The following GLIS3 variants were observed in gnomAD, a reference collection of about 807,000 sequenced individuals.
The protein encoded by GLIS3 is zinc finger protein GLIS3.
Under a neutral mutation model 78.6 loss-of-function variants are expected in GLIS3, and 53 were observed. The observed-to-expected ratio is 0.67, with a 90% confidence interval of 0.54 to 0.85. GLIS3 has a LOEUF of 0.85. Ranked by LOEUF, GLIS3 falls within the 40% of genes least tolerant of loss-of-function variation. The pLI, the probability that GLIS3 is intolerant of heterozygous loss-of-function variation, is 0.00. For missense variants in GLIS3, 1,703 were observed against 1,231.1 expected (o/e 1.38, Z -5.74); for synonymous variants, 684 against 509.9 (o/e 1.34, Z -4.60).
At chr9:4,406,778 T>C in the GLIS3 span, among the ~76,000 whole-genome samples, 1 of 151,956 alleles carries the variant, frequency 6.6e-6, no homozygotes, top group Non-Finnish European at 1.5e-5. Context: ...TATAAAACAC[T>C]CATGAAAGAA....
intron 2 of GLIS3, among the ~76,000 whole-genome samples, chr9:4,154,361 A>G (rs913372252): frequency 3.9e-5 from 6 of 152,244 alleles, no homozygotes; most frequent in Non-Finnish European, 7.3e-5. Flanking sequence ...ATATGCCACA[A>G]GAAATTCCAG....
chr9:3,956,932 A>T lies in GLIS3; in HGVS notation c.1711-19743T>A, dbSNP rs149927323. ...AGAACAATCTACACTTACAGTCACAAGCTGATTGAGCCCCCATATCTTCCC... is the reference window on the plus strand; with the variant it reads ...AGAACAATCTACACTTACAGTCACATGCTGATTGAGCCCCCATATCTTCCC... On this transcript the variant is annotated intron_variant, in intron 4 of 10. Transcript: ENST00000381971. Among the ~76,000 whole-genome samples the T allele has an allele frequency of 1.2e-4, 18 of 152,332 alleles. No homozygotes were observed. In the East Asian group the frequency reaches 3.3e-3, roughly 28 times the overall value.
the GLIS3 span, among the ~76,000 whole-genome samples, chr9:4,407,610 G>A: frequency 1.3e-5 from 2 of 152,184 alleles, no homozygotes; most frequent in African/African-American, 4.8e-5. Context: ...TCTCGCCACC[G>A]CACTCCAGCC....
At chr9:4,049,350 C>T (rs551371882) in intron 4 of GLIS3, among the ~76,000 whole-genome samples, 118 of 152,264 alleles carry the variant, frequency 7.7e-4, no homozygotes, top group African/African-American at 2.7e-3. Context: ...CCTCACCTCC[C>T]TACAACGTGA....
At chr9:4,395,202 T>A in the GLIS3 span, among the ~76,000 whole-genome samples, 2 of 152,226 alleles carry the variant, frequency 1.3e-5, no homozygotes, top group African/African-American at 4.8e-5. Context: ...ATTCAGCATA[T>A]TAAACTCCAG....
At chr9:4,055,440 T>A (rs574910830) in intron 4 of GLIS3, among the ~76,000 whole-genome samples, 1 of 152,326 alleles carries the variant, frequency 6.6e-6, no homozygotes, top group South Asian at 2.1e-4. Context: ...GTTCAGGGCC[T>A]GACCATGGGA....
chr9:4,458,564 C>T, the GLIS3 span, among the ~76,000 whole-genome samples: 1 of 152,102 alleles, frequency 6.6e-6, no homozygotes, highest in East Asian at 1.9e-4. Context: ...CCAAGGCAGG[C>T]AGGTCATGAG....
At chr9:3,954,534 C>G (rs1486665721) in intron 4 of GLIS3, among the ~76,000 whole-genome samples, 1 of 152,178 alleles carries the variant, frequency 6.6e-6, no homozygotes, top group Non-Finnish European at 1.5e-5. Flanking sequence ...CAGTGGGAGT[C>G]CATCACAGTA....
chr9:4,346,102 G>C (rs907899046), intron 2 of GLIS3, among the ~76,000 whole-genome samples: 5 of 152,098 alleles, frequency 3.3e-5, no homozygotes, highest in Admixed American at 2.0e-4. Flanking sequence ...TAAAGAATTT[G>C]ACATCCATTG....
upstream of GLIS3, among the ~76,000 whole-genome samples, chr9:4,348,844 A>C (rs963435986): frequency 9.2e-5 from 14 of 152,358 alleles, no homozygotes; most frequent in African/African-American, 3.4e-4. Flanking sequence ...ATGTGCATAG[A>C]AAATACGGAA....
intron 4 of GLIS3, among the ~76,000 whole-genome samples, chr9:4,032,933 A>T (rs1823973380): frequency 6.6e-6 from 1 of 151,630 alleles, no homozygotes; most frequent in African/African-American, 2.4e-5. Context: ...GGCTCACTGC[A>T]AGCTCCGCCT....
intron 4 of GLIS3, among the ~76,000 whole-genome samples, chr9:4,097,406 ACCTGGGCAAGAAGG>A (rs1367035996): frequency 6.6e-6 from 1 of 151,940 alleles, no homozygotes; most frequent in Non-Finnish European, 1.5e-5. Flanking sequence ...CTCAGTGCCC[ACCTGGGCAAGAAGG>A]GGTGGGCTCA....
At chr9:4,356,824 A>G in the GLIS3 span, among the ~76,000 whole-genome samples, 525 of 152,310 alleles carry the variant, frequency 3.4e-3, 4 homozygotes, top group African/African-American at 0.012. Context: ...AGCCTTTTGG[A>G]TGTAAAATGC....
intron 2 of GLIS3, among the ~76,000 whole-genome samples, chr9:4,171,373 T>C (rs1451333651): frequency 6.6e-6 from 1 of 152,108 alleles, no homozygotes; most frequent in Non-Finnish European, 1.5e-5. Context: ...TAGAGAGAGA[T>C]TAGATTGAAA....
intron 2 of GLIS3, among the ~76,000 whole-genome samples, chr9:4,172,480 C>A (rs969523507): frequency 6.6e-6 from 1 of 152,138 alleles, no homozygotes; most frequent in African/African-American, 2.4e-5. Context: ...CAAATCCAAA[C>A]GTACAGTATT....
At chr9:3,850,435 A>T (rs1819357178) in intron 9 of GLIS3, among the ~76,000 whole-genome samples, 1 of 152,250 alleles carries the variant, frequency 6.6e-6, no homozygotes, top group African/African-American at 2.4e-5. Flanking sequence ...GCTTTTGTCT[A>T]GGAAAGACTG....
At chr9:3,991,866 A>AT (rs1181517540) in intron 4 of GLIS3, among the ~76,000 whole-genome samples, 2 of 151,472 alleles carry the variant, frequency 1.3e-5, no homozygotes, top group East Asian at 3.9e-4. Flanking sequence ...AATTTTTTGT[A>AT]TTTTTAGTAG....
chr9:4,093,982 G>A (rs1265003859), intron 4 of GLIS3, among the ~76,000 whole-genome samples: 1 of 152,156 alleles, frequency 6.6e-6, no homozygotes, highest in Admixed American at 6.5e-5. Flanking sequence ...GTTCTTAAGA[G>A]TGATTCATTG....
At chr9:4,244,198 A>T (rs780932440) in intron 2 of GLIS3, among the ~76,000 whole-genome samples, 5 of 152,222 alleles carry the variant, frequency 3.3e-5, no homozygotes, top group Non-Finnish European at 5.9e-5. Context: ...TTGCAGCTAA[A>T]TCTCTCAATC....
Sources: allele counts gnomAD v4.1 joint callset (sites outside exome capture counted in the v4.1 genomes callset), GRCh38; gene constraint gnomAD v4.1.1; transcripts MANE v1.5; gene names NCBI Gene and HGNC (gene_info 2026-07-23, HGNC 2026-07-21).